The following STPG2 variants were observed in gnomAD, a reference collection of about 807,000 sequenced individuals.
STPG2 encodes sperm-tail PG-rich repeat-containing protein 2.
In STPG2, 56 loss-of-function variants were observed where a neutral mutation model predicts 54.2. That is an observed-to-expected ratio of 1.03 (90% CI 0.83 to 1.29). The LOEUF (loss-of-function observed/expected upper bound fraction) is 1.29. Ranked by LOEUF, STPG2 falls within the 50% of genes most tolerant of loss-of-function variation. STPG2 has a pLI of 0.00. For missense variants in STPG2, 596 were observed against 544.9 expected, an observed-to-expected ratio of 1.09 and a Z score of -0.93; for synonymous variants, 200 against 181.8, an observed-to-expected ratio of 1.10 and a Z score of -0.81.
intron 5 of STPG2, among the ~76,000 whole-genome samples, chr4:98,001,921 C>T (rs1444727353): frequency 6.6e-6 from 1 of 152,036 alleles, no homozygotes; most frequent in South Asian, 2.1e-4. Flanking sequence ...CACCAGATTC[C>T]CCACTTAGCT....
At chr4:97,488,546 T>G (rs1226520375) in intron 4 of STPG2, among the ~76,000 whole-genome samples, 1 of 151,636 alleles carries the variant, frequency 6.6e-6, no homozygotes, top group African/African-American at 2.4e-5. Context: ...CTCACTCAAA[T>G]AGTAGTGAAG....
chr4:97,576,877 T>C (rs955159989), intron 10 of STPG2, among the ~76,000 whole-genome samples: 1 of 151,948 alleles, frequency 6.6e-6, no homozygotes, highest in Non-Finnish European at 1.5e-5. Context: ...CCAAAATCTA[T>C]AAAAAACTTA....
chr4:97,781,914 G>A (rs1049187489), intron 9 of STPG2, among the ~76,000 whole-genome samples: 2 of 152,126 alleles, frequency 1.3e-5, no homozygotes, highest in African/African-American at 4.8e-5. Context: ...AAGAAATTAG[G>A]TATTGATAGG....
intron 9 of STPG2, among the ~76,000 whole-genome samples, chr4:97,809,898 A>C (rs1472747165): frequency 6.6e-6 from 1 of 152,148 alleles, no homozygotes; most frequent in Non-Finnish European, 1.5e-5. Context: ...TTTGTTACAC[A>C]GCAATAAAAA....
At chr4:97,997,419 C>T (rs1293799813) in intron 5 of STPG2, among the ~76,000 whole-genome samples, 1 of 152,114 alleles carries the variant, frequency 6.6e-6, no homozygotes, top group Non-Finnish European at 1.5e-5. Flanking sequence ...AGCAAAAGAG[C>T]AATGGGGAAG....
chr4:97,541,604 G>T (rs146097627), intron 4 of STPG2, among the ~76,000 whole-genome samples: 29 of 152,240 alleles, frequency 1.9e-4, no homozygotes, highest in African/African-American at 6.3e-4. Context: ...TTTCTTCACA[G>T]AATTGGAAAA....
At chr4:98,078,682 G>T (rs35235971) in intron 5 of STPG2, among the ~76,000 whole-genome samples, 60,138 of 151,822 alleles carry the variant, frequency 0.4, 12,142 homozygotes, top group Middle Eastern at 0.46. Context: ...ACAACAAATG[G>T]AATTAATCTG....
intron 10 of STPG2, among the ~76,000 whole-genome samples, chr4:97,662,238 C>T (rs1207108032): frequency 6.6e-6 from 1 of 152,032 alleles, no homozygotes; most frequent in Non-Finnish European, 1.5e-5. Flanking sequence ...AAACACCTCT[C>T]AAAAGAAGAC....
intron 10 of STPG2, among the ~76,000 whole-genome samples, chr4:97,676,968 C>T (rs1722870947): frequency 6.6e-6 from 1 of 152,106 alleles, no homozygotes; most frequent in South Asian, 2.1e-4. Flanking sequence ...CAGACAGTTA[C>T]TCATATGAAC....
chr4:97,511,850 A>G (rs964310465), intron 4 of STPG2, among the ~76,000 whole-genome samples: 1 of 152,170 alleles, frequency 6.6e-6, no homozygotes, highest in Non-Finnish European at 1.5e-5. Flanking sequence ...CAAGAAAAAA[A>G]GGAAGAAAAA....
At chr4:97,494,024 T>C (rs1335433180) in intron 4 of STPG2, among the ~76,000 whole-genome samples, 1 of 151,468 alleles carries the variant, frequency 6.6e-6, no homozygotes, top group East Asian at 1.9e-4. Flanking sequence ...TCTTAATGAC[T>C]CACCTTTGAT....
intron 9 of STPG2, among the ~76,000 whole-genome samples, chr4:97,735,031 T>C (rs1724930416): frequency 6.8e-6 from 1 of 147,992 alleles, no homozygotes; most frequent in Non-Finnish European, 1.5e-5. Flanking sequence ...TGAGATGGCG[T>C]CACTGCACTA....
intron 10 of STPG2, among the ~76,000 whole-genome samples, chr4:97,612,576 G>C (rs951906520): frequency 1.3e-5 from 2 of 152,040 alleles, no homozygotes; most frequent in Non-Finnish European, 1.5e-5. Flanking sequence ...TGGCCTTAGT[G>C]TAAAACTGGC....
intron 10 of STPG2, among the ~76,000 whole-genome samples, chr4:97,675,880 AC>A: frequency 6.7e-6 from 1 of 148,384 alleles, no homozygotes; most frequent in Non-Finnish European, 1.5e-5. Flanking sequence ...TATTGTATAT[AC>A]AGTATAGGTA....
In STPG2 at chr4:98,013,580, C is replaced by CTTTTTTTTTT. The variant is rs34198207; in HGVS notation, c.613-32272_613-32263dup. Among the ~76,000 whole-genome samples the CTTTTTTTTTT allele has an allele frequency of 6.7e-5, 5 of 74,604 alleles. 1 individual carries two copies. In the East Asian group the frequency reaches 1.5e-3, roughly 22 times the overall value. The allele number at this position is 74,604 out of a possible 152,430, so 48.9% of individuals were successfully genotyped here. On this transcript the variant is annotated intron_variant, in intron 5 of 10. Transcript: ENST00000295268. ...GGCTGTGAATCCATCTGGTCCTGGG[C>CTTTTTTTTTT]TTTTTTTTTTTTTTTTTTTTTTTTT...
chr4:97,870,039 G>A (rs966385412), intron 8 of STPG2, among the ~76,000 whole-genome samples: 1 of 151,460 alleles, frequency 6.6e-6, no homozygotes, highest in South Asian at 2.1e-4. Context: ...CTCCTTATGT[G>A]CTAATTTATA....
chr4:97,932,605 G>A (rs1732592623), intron 8 of STPG2, among the ~76,000 whole-genome samples: 1 of 152,136 alleles, frequency 6.6e-6, no homozygotes, highest in African/African-American at 2.4e-5. Context: ...TTATGAGTGA[G>A]AACATGCAGT....
intron 10 of STPG2, among the ~76,000 whole-genome samples, chr4:97,678,516 C>A (rs1180828064): frequency 6.6e-6 from 1 of 152,008 alleles, no homozygotes; most frequent in Non-Finnish European, 1.5e-5. Context: ...TTACCATGCA[C>A]CATACAGCCT....
intron 9 of STPG2, among the ~76,000 whole-genome samples, chr4:97,742,559 GTGTGTGTCTA>G (rs1346655598): frequency 6.0e-5 from 8 of 132,678 alleles, no homozygotes; most frequent in East Asian, 4.1e-4. Flanking sequence ...GTGTGTGTGT[GTGTGTGTCTA>G]TATATATATG....
Sources: gnomAD v4.1 joint callset for allele counts (sites outside exome capture counted in the v4.1 genomes callset) on GRCh38, gnomAD v4.1.1 for gene constraint, MANE v1.5 for transcripts, NCBI Gene and HGNC (gene_info 2026-07-23, HGNC 2026-07-21) for gene names.